TSPAN18: variants seen among roughly 807,000 people sequenced by gnomAD.
TSPAN18 encodes tetraspanin 18, also known as tetraspanin-18.
TSPAN18 carries 14 observed loss-of-function variants against 27.3 expected under a neutral mutation model. That is an observed-to-expected ratio of 0.51 (90% CI 0.34 to 0.80). TSPAN18 has a LOEUF of 0.80. Among genes scored for constraint, TSPAN18 ranks in the 30% least tolerant of loss-of-function variants. The pLI is 0.01. For missense variants in TSPAN18, 268 were observed against 323.9 expected (o/e 0.83, Z 1.32); for synonymous variants, 143 against 136.5 (o/e 1.05, Z -0.33).
intron 2 of TSPAN18, among the ~76,000 whole-genome samples, chr11:44,817,986 G>C (rs1856847980): frequency 6.6e-6 from 1 of 152,238 alleles, no homozygotes. Flanking sequence ...TGAGGCTGGA[G>C]AGGAGAGGCC....
chr11:44,886,242 A>C lies in TSPAN18; in HGVS notation c.-10-20165A>C, dbSNP rs374043267. ...ATTCAGGCAGGAGGAGACGTGACAC[A>C]AGACCAGCAACGTCTCTTTACTGAA... On this transcript the variant is annotated intron_variant, in intron 3 of 9. Transcript: ENST00000520358. The C allele has an allele frequency of 7.9e-5, 12 of 152,318 alleles. No homozygotes were observed. In the East Asian group the frequency reaches 1.5e-3, roughly 20 times the overall value. 9.4% of individuals were successfully genotyped at this position (152,318 alleles called of 1,614,324 possible).
At chr11:44,815,076 A>G (rs1856793671) in intron 2 of TSPAN18, among the ~76,000 whole-genome samples, 1 of 152,160 alleles carries the variant, frequency 6.6e-6, no homozygotes, top group African/African-American at 2.4e-5. Context: ...CAGTGGGAAG[A>G]TTAGAGTGGC....
chr11:44,808,971 C>T (rs1373673360), intron 2 of TSPAN18, among the ~76,000 whole-genome samples: 4 of 152,136 alleles, frequency 2.6e-5, no homozygotes, highest in Non-Finnish European at 4.4e-5. Flanking sequence ...TCATGGTAAT[C>T]GTAGGAGCTA....
At chr11:44,790,166 CATGTGTGTGTGTGCGCAT>C (rs1856161540) in intron 2 of TSPAN18, among the ~76,000 whole-genome samples, 2 of 148,480 alleles carry the variant, frequency 1.3e-5, no homozygotes, top group South Asian at 2.2e-4. Flanking sequence ...TGTGTGTGTG[CATGTGTGTGTGTGCGCAT>C]ATGTGTGTGT....
At position 44,831,643 on chromosome 11, in the gene TSPAN18, T is replaced by C. The variant is rs1243732780; in HGVS notation, c.-152-28685T>C. ...ACTCGCTCACTCACTCATTCATTTA[T>C]TCACAAATCTAGGTTGAGTGTCCAG... is the stretch of plus-strand genomic sequence containing the variant. On this transcript the variant is annotated intron_variant, in intron 2 of 9. Coordinates refer to ENST00000520358, the MANE Select transcript of TSPAN18 (RefSeq NM_130783.5). Among the ~76,000 whole-genome samples, 5 of 152,346 alleles carry C rather than the reference T, an allele frequency of 3.3e-5. No individual in the cohort carries two copies. The East Asian group carries it at 9.7e-4, about 29-fold the overall frequency.
intron 4 of TSPAN18, among the ~76,000 whole-genome samples, chr11:44,908,645 G>A (rs1314811484): frequency 6.6e-6 from 1 of 151,202 alleles, no homozygotes. Context: ...TGAGGTAGAG[G>A]ATGACTTGGG....
chr11:44,850,062 T>C (rs1272003209), intron 2 of TSPAN18, among the ~76,000 whole-genome samples: 1 of 152,168 alleles, frequency 6.6e-6, no homozygotes, highest in Non-Finnish European at 1.5e-5. Flanking sequence ...TAATAACCCC[T>C]GTCCCCAGGA....
chr11:44,811,710 C>T (rs774972513), intron 2 of TSPAN18, among the ~76,000 whole-genome samples: 2 of 152,210 alleles, frequency 1.3e-5, no homozygotes, highest in Non-Finnish European at 2.9e-5. Flanking sequence ...GATCCACCCG[C>T]CTTGGCCTCC....
chr11:44,920,940 C>T (rs1180507008), intron 8 of TSPAN18, among the ~76,000 whole-genome samples: 1 of 152,310 alleles, frequency 6.6e-6, no homozygotes, highest in Non-Finnish European at 1.5e-5. Flanking sequence ...AGATGAGGGG[C>T]TAGAATGGGC....
chr11:44,879,838 A>T lies in TSPAN18; in HGVS notation c.-11+19369A>T, dbSNP rs1208817039. On this transcript the variant is annotated intron_variant, in intron 3 of 9. Transcript: ENST00000520358. ...TGGAGGCCAGATGGCAAAGCGGACG[A>T]AGAAGCGTGTCCCGTTGTCCTCTGG... Among the ~76,000 whole-genome samples, 3 of 152,228 alleles carry T rather than the reference A, an allele frequency of 2.0e-5. No homozygotes were observed. In the East Asian group the frequency reaches 5.8e-4, roughly 29 times the overall value.
chr11:44,930,987 G>C lies in TSPAN18; in HGVS notation c.*1809G>C, dbSNP rs766308015. 4 of 476,008 alleles carry C rather than the reference G, an allele frequency of 8.4e-6. No individual in the cohort carries two copies. The highest frequency in any genetic ancestry group is 1.7e-5 in the Non-Finnish European group (4 of 231,632). 29.5% of individuals were successfully genotyped at this position (476,008 alleles called of 1,614,324 possible). ...CCTAGAGCCCCGTGTTCCCTGGCCT[G>C]TGCGTCTGCCCCCTTCTGAGATGCA... On this transcript the variant is annotated 3_prime_UTR_variant, in exon 10 of 10. Transcript: ENST00000520358.
intron 8 of TSPAN18, among the ~76,000 whole-genome samples, chr11:44,922,568 A>G (rs1398558935): frequency 6.6e-6 from 1 of 152,190 alleles, no homozygotes; most frequent in Non-Finnish European, 1.5e-5. Context: ...CCCCTGGTCC[A>G]CATTGGTGGT....
At chr11:44,749,110 C>T (rs1412600808) in intron 1 of TSPAN18, among the ~76,000 whole-genome samples, 1 of 152,166 alleles carries the variant, frequency 6.6e-6, no homozygotes, top group Non-Finnish European at 1.5e-5. Context: ...CTTTTGACCA[C>T]CACACCCTGC....
chr11:44,866,636 T>C (rs908034034), intron 3 of TSPAN18, among the ~76,000 whole-genome samples: 1 of 152,238 alleles, frequency 6.6e-6, no homozygotes, highest in African/African-American at 2.4e-5. Context: ...GAAGAGCTGT[T>C]CCGGGAACAG....
chr11:44,784,178 A>G (rs560672976), intron 2 of TSPAN18, among the ~76,000 whole-genome samples: 24 of 152,334 alleles, frequency 1.6e-4, no homozygotes, highest in African/African-American at 5.5e-4. Context: ...ACGGGGCCAT[A>G]GTCCCAGATC....
At chr11:44,776,588 C>G (rs1049617019) in intron 2 of TSPAN18, among the ~76,000 whole-genome samples, 1 of 152,184 alleles carries the variant, frequency 6.6e-6, no homozygotes, top group Non-Finnish European at 1.5e-5. Flanking sequence ...CAGCTTCTTT[C>G]TGCTCTGCCG....
chr11:44,906,761 C>T (rs566358453), intron 4 of TSPAN18, among the ~76,000 whole-genome samples: 1 of 152,306 alleles, frequency 6.6e-6, no homozygotes, highest in East Asian at 1.9e-4. Context: ...GTCTTGGGAT[C>T]TGACCCCTCG....
chr11:44,810,150 G>T (rs1036994051), intron 2 of TSPAN18, among the ~76,000 whole-genome samples: 1 of 152,112 alleles, frequency 6.6e-6, no homozygotes, highest in Non-Finnish European at 1.5e-5. Flanking sequence ...GAGGTGAAAT[G>T]CACATAACAT....
chr11:44,918,186 C>T (rs1859984066), intron 6 of TSPAN18, 140 bp downstream of exon 6: 1 of 854,800 alleles, frequency 1.2e-6, no homozygotes, highest in Non-Finnish European at 1.8e-6. Context: ...CAAGTCATGG[C>T]CCCACCCGCC....
Sources: gnomAD v4.1 joint callset for allele counts (sites outside exome capture counted in the v4.1 genomes callset) on GRCh38, gnomAD v4.1.1 for gene constraint, MANE v1.5 for transcripts, NCBI Gene and HGNC (gene_info 2026-07-23, HGNC 2026-07-21) for gene names.